Variants in RPGR observed in about 807,000 individuals in gnomAD.
RPGR encodes the protein X-linked retinitis pigmentosa GTPase regulator.
RPGR carries 10 observed loss-of-function variants against 56.3 expected under a neutral mutation model. The ratio of observed to expected loss-of-function variants is 0.18; its 90% CI spans 0.11 to 0.30. RPGR has a LOEUF of 0.30. Ranked by LOEUF, RPGR falls within the 10% of genes least tolerant of loss-of-function variation. The pLI is 1.00. For synonymous variants in RPGR, 197 were observed against 212.9 expected (o/e 0.93, Z 0.65); for missense variants, 538 against 590.9 (o/e 0.91, Z 0.93).
intron 15 of RPGR, among the ~76,000 whole-genome samples, chrX:38,280,697 CTAAT>C (rs2067014299): frequency 9.0e-6 from 1 of 111,039 alleles, no homozygotes; most frequent in African/African-American, 3.3e-5. Flanking sequence ...CCATGCCTAA[CTAAT>C]CTTTTAATTT....
chrX:38,270,237 G>C (rs903070008), intron 18 of RPGR, among the ~76,000 whole-genome samples: 7 of 110,722 alleles, frequency 6.3e-5, no homozygotes, highest in African/African-American at 2.3e-4. Flanking sequence ...GTGTATCGCA[G>C]CTACAGTGAA....
Position 38,285,716 on chromosome X carries a change from C to T in RPGR, c.1905+1378G>A, listed in dbSNP as rs753881282. On this transcript the variant is annotated intron_variant, in intron 15 of 18. Coordinates refer to ENST00000642395, the MANE Select transcript of RPGR (RefSeq NM_000328.3). Reference sequence around the variant, plus strand: ...TATGTTTTATGTTTGCCATATTTCACAGATCCTTTTATTTTGCTCACTTTT... The same window carrying T: ...TATGTTTTATGTTTGCCATATTTCATAGATCCTTTTATTTTGCTCACTTTT... 11 of 1,209,104 alleles carry T rather than the reference C, an allele frequency of 9.1e-6. No homozygotes were observed. In the African/African-American group the frequency reaches 1.9e-4, roughly 21 times the overall value.
At chrX:38,315,836 TATAGAGAG>T (rs1471287209) in intron 6 of RPGR, among the ~76,000 whole-genome samples, 1 of 86,903 alleles carries the variant, frequency 1.2e-5, no homozygotes, top group African/African-American at 4.8e-5. Context: ...TATATATATA[TATAGAGAG>T]AGAGAGAGAG....
chrX:38,299,388 C>T (rs1291928646), intron 9 of RPGR, among the ~76,000 whole-genome samples: 3 of 111,997 alleles, frequency 2.7e-5, no homozygotes, highest in Non-Finnish European at 3.8e-5. Context: ...CAAGTTTAAT[C>T]CACCATTTTA....
rs781266050 is a variant in RPGR at position 38,276,743 on chromosome X, T to C, written c.1935A>G (p.Leu645=). 35 of 1,208,444 alleles carry C rather than the reference T, an allele frequency of 2.9e-5. No individual in the cohort carries two copies. Among genetic ancestry groups the C allele is most frequent in the Admixed American group, 8.8e-5 (4 of 45,689 alleles). ...TTTCCTCATCCACATCTTCTAGTTT[T>C]AGTTCCTCAGTTTTAGAAAATTCAT... is the stretch of plus-strand genomic sequence containing the variant. Residue 645 remains leucine, a synonymous_variant, in exon 16 of 19, where the codon CTA becomes CTG. Transcript: ENST00000642395.
At chrX:38,325,075 C>G (rs984480220) in intron 1 of RPGR, among the ~76,000 whole-genome samples, 1 of 103,864 alleles carries the variant, frequency 9.6e-6, no homozygotes, top group African/African-American at 3.6e-5. Context: ...GGGGCTGAGG[C>G]AGGACAATTG....
Position 38,304,636 on chromosome X carries a change from T to A in RPGR, c.933A>T (p.Thr311=). 8 of 1,183,692 alleles carry A rather than the reference T, an allele frequency of 6.8e-6. No individual in the cohort carries two copies. The highest frequency in any genetic ancestry group is 9.2e-6 in the Non-Finnish European group (8 of 870,285). ...TATAACAGAAATTCTAATCCATACC[T>A]GTTATCAAAGCTGTGTGATTTTCTC... Residue 311 remains threonine (T), a splice_region_variant and synonymous_variant, in exon 8 of 19, where the codon ACA becomes ACT. Transcript: ENST00000642395.
rs1239201853 is a variant in RPGR at position 38,310,925 on chromosome X, TTTC to T, written c.620-155_620-153del. 1.6e-4 allele frequency: 78 copies of T among 494,449 alleles called. No individual in the cohort carries two copies. The African/African-American group carries it at 1.7e-3, about 11-fold the overall frequency. The allele number at this position is 494,449 out of a possible 1,213,427, so 40.7% of individuals were successfully genotyped here. A position where few individuals can be genotyped will look rare whatever the true frequency, so the allele number is the denominator to read the frequency against. On this transcript the variant is annotated intron_variant, in intron 6 of 18. Coordinates refer to ENST00000642395, the MANE Select transcript of RPGR (RefSeq NM_000328.3). ...GTATGATAAAGAAATAAAGCTAGAT[TTTC>T]TTTTCCCCTTGATTATTTTAATCCA... is the stretch of plus-strand genomic sequence containing the variant.
intron 16 of RPGR, chrX:38,276,439 T>G: frequency 1.7e-6 from 1 of 579,020 alleles, no homozygotes; most frequent in Non-Finnish European, 2.8e-6. Flanking sequence ...AGCCAAAGCC[T>G]TTCTCTTATG....
At chrX:38,305,746 A>AAAAATAAAATAAAATAAAAT (rs5902182) in intron 7 of RPGR, among the ~76,000 whole-genome samples, 148 of 85,477 alleles carry the variant, frequency 1.7e-3, no homozygotes, top group African/African-American at 5.8e-3. Context: ...ACTCCATCTC[A>AAAAATAAAATAAAATAAAAT]AAAATAAAAT....
intron 7 of RPGR, among the ~76,000 whole-genome samples, chrX:38,310,303 T>A (rs1351381927): frequency 9.0e-6 from 1 of 111,057 alleles, no homozygotes; most frequent in Admixed American, 9.6e-5. Context: ...ACACGAGGTA[T>A]CTAAGAGTCA....
rs752428660 is a variant in RPGR at position 38,269,455 on chromosome X, A to G, written c.*171T>C. On this transcript the variant is annotated 3_prime_UTR_variant, in exon 19 of 19. Transcript: ENST00000642395. Reference sequence around the variant, plus strand: ...CATATTTTGAAATGACTTGTTAAAAATATTAGCATAAATAAATATCAAAAC... The same window carrying G: ...CATATTTTGAAATGACTTGTTAAAAGTATTAGCATAAATAAATATCAAAAC... 9.9e-6 allele frequency: 4 copies of G among 405,474 alleles called. No individual in the cohort carries two copies. In the South Asian group the frequency reaches 1.5e-4, roughly 15 times the overall value. The allele number at this position is 405,474 out of a possible 1,213,427, so 33.4% of individuals were successfully genotyped here. A position where few individuals can be genotyped will look rare whatever the true frequency, so the allele number is the denominator to read the frequency against.
chrX:38,293,502 A>G (rs1198682705), intron 11 of RPGR, among the ~76,000 whole-genome samples: 2 of 112,311 alleles, frequency 1.8e-5, no homozygotes, highest in Non-Finnish European at 3.8e-5. Flanking sequence ...TTATTTTCAT[A>G]AATATTAGGA....
At chrX:38,319,538 A>C (rs1173554296) in intron 4 of RPGR, among the ~76,000 whole-genome samples, 2 of 111,847 alleles carry the variant, frequency 1.8e-5, no homozygotes, top group Admixed American at 9.5e-5. Flanking sequence ...TTGGGTGCAA[A>C]TTCTGGCTTA....
At position 38,311,077 on chromosome X, in the gene RPGR, T is replaced by A. The variant is rs185246688; in HGVS notation, c.620-304A>T. ...CTTACTTAAAGCTCCCATAAAAACA[T>A]GAATTTTGTCTTGCTCCCTATGGTA... On this transcript the variant is annotated intron_variant, in intron 6 of 18. Transcript: ENST00000642395. Among the ~76,000 whole-genome samples, 684 of 112,615 alleles carry A rather than the reference T, an allele frequency of 6.1e-3. 5 individuals carry two copies. The highest frequency in any genetic ancestry group is 0.021 in the African/African-American group (645 of 31,021).
chrX:38,303,929 A>C, intron 8 of RPGR: 1 of 286,918 alleles, frequency 3.5e-6, no homozygotes, highest in Non-Finnish European at 6.1e-6. Flanking sequence ...AAATAGTGAA[A>C]TTATATACCC....
At chrX:38,297,059 C>T (rs1036339924) in intron 11 of RPGR, among the ~76,000 whole-genome samples, 12 of 111,769 alleles carry the variant, frequency 1.1e-4, no homozygotes, top group African/African-American at 3.9e-4. Context: ...TTATCCACTG[C>T]TCTATAAAGA....
intron 16 of RPGR, chrX:38,276,474 A>T: frequency 1.4e-6 from 1 of 732,797 alleles, no homozygotes; most frequent in Non-Finnish European, 2.1e-6. Flanking sequence ...GTATTCATGT[A>T]TTCATGGGAG....
intron 11 of RPGR, 102 bp downstream of exon 11, chrX:38,297,182 G>T: frequency 1.1e-6 from 1 of 888,644 alleles, no homozygotes; most frequent in Non-Finnish European, 1.6e-6. Context: ...ACCAGGGAGA[G>T]AACAATTTAA....
Sources: allele counts gnomAD v4.1 joint callset (sites outside exome capture counted in the v4.1 genomes callset), GRCh38; gene constraint gnomAD v4.1.1; transcripts MANE v1.5; gene names NCBI Gene and HGNC (gene_info 2026-07-23, HGNC 2026-07-21).